PHF8: variants seen among roughly 807,000 people sequenced by gnomAD.
PHF8 encodes the protein histone lysine demethylase PHF8.
In PHF8, 9 loss-of-function variants were observed where a neutral mutation model predicts 74.4. That is an observed-to-expected ratio of 0.12 (90% CI 0.07 to 0.21). The LOEUF (loss-of-function observed/expected upper bound fraction) is 0.21, where lower values mean the gene tolerates loss of function less well. Among genes scored for constraint, PHF8 ranks in the 10% least tolerant of loss-of-function variants. The probability of loss-of-function intolerance (pLI) is 1.00; values close to 1 mark genes in which losing one functional copy is unlikely to be tolerated. For missense variants in PHF8, 478 were observed against 816.6 expected (o/e 0.59, Z 5.05); for synonymous variants, 311 against 316.6 (o/e 0.98, Z 0.19).
intron 18 of PHF8, among the ~76,000 whole-genome samples, chrX:53,965,165 GCACA>G (rs1162315839): frequency 9.0e-6 from 1 of 111,194 alleles, no homozygotes; most frequent in African/African-American, 3.3e-5. Flanking sequence ...GTGCACGTGT[GCACA>G]CACACACACG....
chrX:53,993,528 C>T, intron 13 of PHF8, 73 bp downstream of exon 13: 1 of 929,482 alleles, frequency 1.1e-6, no homozygotes, highest in Non-Finnish European at 1.5e-6. Context: ...GACAGGATAG[C>T]CTGCTTTTTG....
rs1217178850 is a variant in PHF8 at position 54,017,650 on chromosome X, T to C, written c.454+11A>G. 1.8e-5 allele frequency: 21 copies of C among 1,186,371 alleles called. No individual in the cohort carries two copies. Among genetic ancestry groups the C allele is most frequent in the Non-Finnish European group, 2.1e-5 (18 of 873,592 alleles). On this transcript the variant is annotated intron_variant, in intron 5 of 21. Coordinates refer to ENST00000338154, the MANE Select transcript of PHF8 (RefSeq NM_015107.3). ...ACAATGTTACAGTTAAAAGGGTCTG[T>C]AGTGTCTTACCAACATAGTGTTCAA...
At position 53,940,161 on chromosome X, in the gene PHF8, A is replaced by G; in HGVS notation, c.2986+19T>C. The G allele has an allele frequency of 8.8e-7, 1 of 1,141,030 alleles. No homozygotes were observed. The highest frequency in any genetic ancestry group is 1.2e-6 in the Non-Finnish European group (1 of 847,675). 94.0% of individuals were successfully genotyped at this position (1,141,030 alleles called of 1,213,427 possible). A position where few individuals can be genotyped will look rare whatever the true frequency, so the allele number is the denominator to read the frequency against. ...TGGCTCTAAGATCCTTCGGTTCTAC[A>G]ACCATATGGCCGTTGTACCTTGTCC... On this transcript the variant is annotated intron_variant, in intron 21 of 21. Coordinates refer to ENST00000338154, the MANE Select transcript of PHF8 (RefSeq NM_015107.3).
intron 14 of PHF8, among the ~76,000 whole-genome samples, chrX:53,988,393 A>G (rs781783065): frequency 1.8e-5 from 2 of 111,702 alleles, no homozygotes; most frequent in Non-Finnish European, 3.8e-5. Flanking sequence ...CTTATCTCAC[A>G]TCATATACAA....
intron 10 of PHF8, among the ~76,000 whole-genome samples, chrX:54,000,270 T>C (rs1178632965): frequency 8.9e-6 from 1 of 112,139 alleles, no homozygotes; most frequent in Non-Finnish European, 1.9e-5. Flanking sequence ...GCTAGAGCCA[T>C]GACTAAAACC....
At chrX:53,984,778 T>C (rs1351928085) in intron 18 of PHF8, 136 bp downstream of exon 18, 2 of 554,183 alleles carry the variant, frequency 3.6e-6, no homozygotes, top group Admixed American at 2.5e-5. Context: ...TAGGAAAATA[T>C]GGCTTAGAGA....
intron 2 of PHF8, among the ~76,000 whole-genome samples, chrX:54,033,070 G>C (rs1449213693): frequency 1.8e-5 from 2 of 111,077 alleles, no homozygotes; most frequent in Non-Finnish European, 3.8e-5. Context: ...GCAGGTGGTG[G>C]ATAGCACCAA....
chrX:53,978,520 C>T (rs1343824644), intron 18 of PHF8, among the ~76,000 whole-genome samples: 3 of 110,647 alleles, frequency 2.7e-5, no homozygotes, highest in Non-Finnish European at 5.7e-5. Context: ...TATGGTGGGC[C>T]GGGTGCAGTG....
Position 53,999,469 on chromosome X carries a change from T to C in PHF8, c.1233+401A>G, listed in dbSNP as rs180797970. ...AGTTATATGTGGATTTTTGACTGCA[T>C]TGGGGGGCAGGGTCTGCACCCCAAC... On this transcript the variant is annotated intron_variant, in intron 11 of 21. Coordinates refer to ENST00000338154, the MANE Select transcript of PHF8 (RefSeq NM_015107.3). 380 of 156,086 alleles carry C rather than the reference T, an allele frequency of 2.4e-3. 1 individual carries two copies. Among genetic ancestry groups the C allele is most frequent in the African/African-American group, 0.011 (346 of 31,775 alleles). The allele number at this position is 156,086 out of a possible 1,213,427, so 12.9% of individuals were successfully genotyped here.
At chrX:53,954,751 C>T (rs1309071681) in intron 19 of PHF8, among the ~76,000 whole-genome samples, 2 of 107,819 alleles carry the variant, frequency 1.9e-5, no homozygotes, top group African/African-American at 3.4e-5. Flanking sequence ...AAGTATTTAC[C>T]GACTGTTCTG....
intron 19 of PHF8, among the ~76,000 whole-genome samples, chrX:53,954,296 G>C (rs781905447): frequency 9.1e-6 from 1 of 109,629 alleles, no homozygotes; most frequent in Non-Finnish European, 1.9e-5. Context: ...TCAGGAGATC[G>C]AGACAATCCT....
chrX:53,973,707 G>C (rs782133297), intron 18 of PHF8, among the ~76,000 whole-genome samples: 1 of 111,295 alleles, frequency 9.0e-6, no homozygotes, highest in Admixed American at 9.6e-5. Flanking sequence ...GAAAATCTAG[G>C]CAATACCATT....
In PHF8 at chrX:54,043,951, G is replaced by C; in HGVS notation, c.-282C>G. 1.3e-6 allele frequency: 1 copy of C among 755,134 alleles called. No homozygotes were observed. The highest frequency in any genetic ancestry group is 1.6e-6 in the Non-Finnish European group (1 of 639,518). 62.2% of individuals were successfully genotyped at this position (755,134 alleles called of 1,213,427 possible). On this transcript the variant is annotated 5_prime_UTR_variant, in exon 1 of 22. Transcript: ENST00000338154. The stretch of plus-strand genomic sequence containing the variant: ...TCCGGGACTGCGAAGCGCCTCAGCG[G>C]AGGCTCGTCCGGTAGTTCCGGCCCC...
At chrX:53,942,552 C>T in intron 20 of PHF8, 1 of 263,481 alleles carries the variant, frequency 3.8e-6, no homozygotes, top group Non-Finnish European at 5.2e-6. Flanking sequence ...CACCCCAATA[C>T]TGACTAAACA....
chrX:53,940,107 C>T, intron 21 of PHF8, 73 bp downstream of exon 21: 1 of 846,429 alleles, frequency 1.2e-6, no homozygotes, highest in Non-Finnish European at 1.7e-6. Context: ...GTATTGTCAT[C>T]TACTAGAGCA....
intron 19 of PHF8, among the ~76,000 whole-genome samples, chrX:53,961,488 C>T (rs1250261360): frequency 2.7e-5 from 3 of 110,713 alleles, no homozygotes; most frequent in East Asian, 5.7e-4. Context: ...CCACCATTCC[C>T]GGCTGATTTT....
rs782045223 is a variant in PHF8 at position 53,949,098 on chromosome X, C to T, written c.2540-4855G>A. ...ATTGTCATAATACACTTTGGGAGGC[C>T]GAGGTGAGCGGATCACCTGAGGTCA... On this transcript the variant is annotated intron_variant, in intron 19 of 21. Transcript: ENST00000338154. Among the ~76,000 whole-genome samples, 6 of 110,248 alleles carry T rather than the reference C, an allele frequency of 5.4e-5. No individual in the cohort carries two copies. In the East Asian group the frequency reaches 8.6e-4, roughly 16 times the overall value.
chrX:53,983,677 T>C (rs2065513597), intron 18 of PHF8, among the ~76,000 whole-genome samples: 1 of 112,098 alleles, frequency 8.9e-6, no homozygotes, highest in Admixed American at 9.5e-5. Context: ...TACAAAAGGT[T>C]ACTGTAAGAA....
At chrX:54,014,251 G>C in intron 7 of PHF8, 126 bp downstream of exon 7, 1 of 558,797 alleles carries the variant, frequency 1.8e-6, no homozygotes. Context: ...CACCGCGCCC[G>C]GCCAAATCAA....
Sources: gnomAD v4.1 joint callset for allele counts (sites outside exome capture counted in the v4.1 genomes callset) on GRCh38, gnomAD v4.1.1 for gene constraint, MANE v1.5 for transcripts, NCBI Gene and HGNC (gene_info 2026-07-23, HGNC 2026-07-21) for gene names.